Variants in DUSP15 observed in about 807,000 individuals in gnomAD.
DUSP15 encodes the protein dual specificity protein phosphatase 15.
DUSP15 carries 23 observed loss-of-function variants against 26.3 expected under a neutral mutation model. The ratio of observed to expected loss-of-function variants is 0.87; its 90% CI spans 0.63 to 1.24. The LOEUF is 1.24. Among genes scored for constraint, DUSP15 ranks in the 50% most tolerant of loss-of-function variants. DUSP15 has a pLI of 0.00. For missense variants in DUSP15, 364 were observed against 320.6 expected, an observed-to-expected ratio of 1.14 and a Z score of -1.03; for synonymous variants, 143 against 135.5, an observed-to-expected ratio of 1.06 and a Z score of -0.39.
intron 9 of DUSP15, chr20:31,848,733 G>A (rs750138352): frequency 6.2e-5 from 94 of 1,517,254 alleles, no homozygotes; most frequent in Non-Finnish European, 5.1e-5. Context: ...TGGGACTGGA[G>A]GGAGTGTGGG....
In DUSP15 at chr20:31,870,448, G is replaced by A; in HGVS notation, c.-111C>T. ...GACGCCTGCAGCCTGGCGGGGAACG[G>A]GGGGCCTGGCGTCCGCGGCCCTGCC... is the stretch of plus-strand genomic sequence containing the variant. On this transcript the variant is annotated 5_prime_UTR_variant, in exon 1 of 7. Coordinates refer to ENST00000339738, the MANE Select transcript of DUSP15 (RefSeq NM_080611.5). This position sits in a 1 kb window ranked among gnomAD's most constrained non-coding sequence, Gnocchi z 6.6. The A allele has an allele frequency of 1.6e-6, 2 of 1,286,746 alleles. No homozygotes were observed. The highest frequency in any genetic ancestry group is 2.7e-5 in the South Asian group (1 of 37,184). The allele number at this position is 1,286,746 out of a possible 1,614,324, so 79.7% of individuals were successfully genotyped here.
In DUSP15 at chr20:31,849,849, G is replaced by A. The variant is rs778979000; in HGVS notation, c.517C>T (p.Leu173Phe). 1.1e-5 allele frequency: 16 copies of A among 1,519,582 alleles called. No individual in the cohort carries two copies. In the African/African-American group the frequency reaches 1.7e-4, roughly 16 times the overall value. 94.1% of individuals were successfully genotyped at this position (1,519,582 alleles called of 1,614,324 possible). A position where few individuals can be genotyped will look rare whatever the true frequency, so the allele number is the denominator to read the frequency against. Residue 173 changes from leucine (L) to phenylalanine (F), a missense_variant, in exon 8 of 10, where the codon CTC (leucine) becomes TTC (phenylalanine). Physicochemically the swap from Leu to Phe is conservative, Grantham distance 22. Transcript: ENST00000278979. The stretch of plus-strand genomic sequence containing the variant: ...GCTTCGCGCACCAGCGCTGCGGAGA[G>A]AAGAGCCACACGTGCAGCCAGCAGG...
chr20:31,855,130 A>G (rs2062540062), intron 6 of DUSP15, among the ~76,000 whole-genome samples: 1 of 152,174 alleles, frequency 6.6e-6, no homozygotes, highest in Non-Finnish European at 1.5e-5. Context: ...GGCCATTTTC[A>G]ATCACCAACA....
downstream of DUSP15, among the ~76,000 whole-genome samples, chr20:31,860,363 G>A (rs1214149161): frequency 6.6e-6 from 1 of 152,158 alleles, no homozygotes; most frequent in Non-Finnish European, 1.5e-5. Context: ...TCTCAACTTT[G>A]GGTTAACTTT....
intron 2 of DUSP15, 151 bp from the exon 3 acceptor site, chr20:31,867,304 TG>T: frequency 1.5e-6 from 1 of 675,828 alleles, no homozygotes; most frequent in Non-Finnish European, 2.6e-6. Context: ...CTCTTGCTTC[TG>T]GGGCACATGC....
exon 7 of DUSP15, chr20:31,850,630 G>A (rs972090842): frequency 4.3e-6 from 7 of 1,611,884 alleles, no homozygotes; most frequent in Non-Finnish European, 5.9e-6. Flanking sequence ...TGAAGTCATC[G>A]GAGGGCATTG....
rs1444167612 is a variant in DUSP15 at position 31,862,683 on chromosome 20, C to T, written c.323G>A (p.Gly108Glu). 1.2e-6 allele frequency: 2 copies of T among 1,614,002 alleles called. No individual in the cohort carries two copies. Among genetic ancestry groups the T allele is most frequent in the Non-Finnish European group, 8.5e-7 (1 of 1,180,016 alleles). ...IVTAYVMTVT[G>E]LGWRDVLEAI... Reference sequence around the variant, plus strand: ...TTCAAGCACGTCCCGCCAGCCTAGCCCCGTCACAGTCATCACATACGCTGT... The same window carrying T: ...TTCAAGCACGTCCCGCCAGCCTAGCTCCGTCACAGTCATCACATACGCTGT... Residue 108 changes from glycine to glutamate, a missense_variant, in exon 6 of 7, where the codon GGG becomes GAG. Physicochemically the swap from Gly to Glu is moderately conservative, Grantham distance 98. Coordinates refer to ENST00000339738, the MANE Select transcript of DUSP15 (RefSeq NM_080611.5).
intron 6 of DUSP15, 63 bp from the exon 7 acceptor site, chr20:31,861,738 G>GGGGGGCC: frequency 7.7e-7 from 1 of 1,290,704 alleles, no homozygotes; most frequent in Non-Finnish European, 1.0e-6. Flanking sequence ...AAGGCAGCCG[G>GGGGGGCC]CCCCGCCCCC....
chr20:31,849,578 CG>C, intron 8 of DUSP15: 1 of 1,231,292 alleles, frequency 8.1e-7, no homozygotes, highest in East Asian at 2.4e-5. Flanking sequence ...GTGGCAGGTG[CG>C]CCTGCGCTCC....
chr20:31,864,944 G>A lies in DUSP15; in HGVS notation c.188+9C>T. 1.9e-6 allele frequency: 3 copies of A among 1,613,948 alleles called. No individual in the cohort carries two copies. The highest frequency in any genetic ancestry group is 2.5e-6 in the Non-Finnish European group (3 of 1,179,878). ...CTGTCCATCTATGGGTCCATCCAGG[G>A]GAACTTACATGGGTACCTCAGGGGT... On this transcript the variant is annotated intron_variant, in intron 4 of 6. Transcript: ENST00000339738.
At chr20:31,865,517 C>A (rs960501868) in intron 3 of DUSP15, among the ~76,000 whole-genome samples, 2 of 152,186 alleles carry the variant, frequency 1.3e-5, no homozygotes, top group East Asian at 1.9e-4. Flanking sequence ...TCCTTTGTTT[C>A]CTGATTAGCC....
At chr20:31,845,884 A>C (rs978809182), downstream of DUSP15, among the ~76,000 whole-genome samples, 1 of 152,176 alleles carries the variant, frequency 6.6e-6, no homozygotes, top group Non-Finnish European at 1.5e-5. Context: ...ACAGAGACAA[A>C]AACAAAATGA....
chr20:31,852,563 C>G (rs2062488819), intron 6 of DUSP15, among the ~76,000 whole-genome samples: 4 of 152,186 alleles, frequency 2.6e-5, no homozygotes, highest in Admixed American at 6.5e-5. Flanking sequence ...GTAATCCCAG[C>G]ACTTTGGGAG....
exon 10 of DUSP15, chr20:31,848,418 A>T: frequency 3.1e-6 from 5 of 1,611,566 alleles, no homozygotes; most frequent in Non-Finnish European, 4.2e-6. Context: ...CGGGTACAAG[A>T]AGAGGAAGCG....
At chr20:31,867,239 T>A in intron 2 of DUSP15, 86 bp from the exon 3 acceptor site, 3 of 1,219,762 alleles carry the variant, frequency 2.5e-6, no homozygotes, top group South Asian at 1.3e-5. Flanking sequence ...CCTGCCCAGC[T>A]CTCCCTCTCA....
upstream of DUSP15, chr20:31,870,664 C>T (rs2062906780): frequency 8.1e-7 from 1 of 1,239,802 alleles, no homozygotes; most frequent in Non-Finnish European, 1.0e-6. This position sits in a 1 kb window ranked among gnomAD's most constrained non-coding sequence, Gnocchi z 6.6. Flanking sequence ...CGCGGGACAA[C>T]GGCAGTTTGT....
chr20:31,852,008 CTTTT>C lies in DUSP15; in HGVS notation c.427-1336_427-1333del, dbSNP rs59714323. ...CTCAGTTTCCTCCTTTTCTTTCTTT[CTTTT>C]TTTTTTTTTTTTGAGATGGAGTTTT... On this transcript the variant is annotated intron_variant, in intron 6 of 9. Transcript: ENST00000278979. Among the ~76,000 whole-genome samples, 261 of 127,928 alleles carry C rather than the reference CTTTT, an allele frequency of 2.0e-3. 1 individual carries two copies. The highest frequency in any genetic ancestry group is 6.0e-3 in the African/African-American group (212 of 35,204). The allele number at this position is 127,928 out of a possible 152,430, so 83.9% of individuals were successfully genotyped here.
chr20:31,849,584 C>T, intron 8 of DUSP15: 1 of 1,301,240 alleles, frequency 7.7e-7, no homozygotes, highest in Non-Finnish European at 1.1e-6. Flanking sequence ...GGTGCGCCTG[C>T]GCTCCACCTT....
At position 31,861,648 on chromosome 20, in the gene DUSP15, C is replaced by T. The variant is rs748014717; in HGVS notation, c.463G>A (p.Gly155Ser). ...TCCTCGTCGCGGAAGGGGCTCTCGC[C>T]GAAGCGCTCCTCCAGCTGCCGGCGA... ...KLRRQLEERFGESPFRDEEEL... is the reference protein window; with the variant it reads ...KLRRQLEERFSESPFRDEEEL... Residue 155 changes from glycine (G) to serine (S), a missense_variant, in exon 7 of 7, where the codon GGC becomes AGC. By Grantham distance (56) the Gly-to-Ser change is moderately conservative. Coordinates refer to ENST00000339738, the MANE Select transcript of DUSP15 (RefSeq NM_080611.5). 14 of 1,458,036 alleles carry T rather than the reference C, an allele frequency of 9.6e-6. No homozygotes were observed. The highest frequency in any genetic ancestry group is 1.3e-5 in the Non-Finnish European group (14 of 1,109,748). The allele number at this position is 1,458,036 out of a possible 1,614,324, so 90.3% of individuals were successfully genotyped here.
Sources: gnomAD v4.1 joint callset for allele counts (sites outside exome capture counted in the v4.1 genomes callset) on GRCh38, gnomAD v4.1.1 for gene constraint, Gnocchi (gnomAD v3.1) non-coding constraint, MANE v1.5 for transcripts, NCBI Gene and HGNC (gene_info 2026-07-23, HGNC 2026-07-21) for gene names.